Variants in PCDH10 observed in about 807,000 individuals in gnomAD.
PCDH10 encodes protocadherin 10.
Under a neutral mutation model 74.4 loss-of-function variants are expected in PCDH10, and 15 were observed. The observed-to-expected ratio is 0.20, with a 90% CI of 0.13 to 0.31. The LOEUF (loss-of-function observed/expected upper bound fraction) is 0.31, where lower values mean the gene tolerates loss of function less well. Among genes scored for constraint, PCDH10 ranks in the 10% least tolerant of loss-of-function variants. The pLI, the probability that PCDH10 is intolerant of heterozygous loss-of-function variation, is 1.00. For missense variants in PCDH10, 1,260 were observed against 1,390.2 expected, an observed-to-expected ratio of 0.91 and a Z score of 1.49; for synonymous variants, 619 against 589.8, an observed-to-expected ratio of 1.05 and a Z score of -0.72.
In PCDH10 at chr4:133,151,248, G is replaced by A. The variant is rs753926319; in HGVS notation, c.1108G>A (p.Gly370Ser). 6 of 1,614,024 alleles carry A rather than the reference G, an allele frequency of 3.7e-6. No individual in the cohort carries two copies. The South Asian group carries it at 4.4e-5, about 12-fold the overall frequency. Residue 370 changes from glycine to serine, a missense_variant, in exon 1 of 5, where the codon GGC (glycine) becomes AGC (serine). Gly to Ser is a moderately conservative substitution (Grantham distance 56, BLOSUM62 0). This residue lies in a region of PCDH10 where 112 missense variants were observed against 123.6 expected (regional missense o/e 0.91). Transcript: ENST00000264360. ...CACCGTGAAGGAAGCGGTGAGTGAGGGCGCGGCGCCCGGCACTGTGGTGGC... is the reference window on the plus strand; with the variant it reads ...CACCGTGAAGGAAGCGGTGAGTGAGAGCGCGGCGCCCGGCACTGTGGTGGC... ...FSTVKEAVSE[G>S]AAPGTVVALF...
chr4:133,156,845 T>G lies in PCDH10; in HGVS notation c.2797+1822T>G, dbSNP rs77468455. On this transcript the variant is annotated intron_variant, in intron 3 of 4. Transcript: ENST00000264360. ...ATAAACATCTGCAAAAGAGCCAAAT[T>G]TGGAAGATAGATGAGAACATATTCT... 4.0e-3 allele frequency among the ~76,000 whole-genome samples: 614 copies of G among 152,316 alleles called. 3 individuals carry two copies. Among genetic ancestry groups the G allele is most frequent in the African/African-American group, 0.014 (574 of 41,570 alleles).
intron 4 of PCDH10, among the ~76,000 whole-genome samples, chr4:133,179,836 A>G (rs544685691): frequency 9.1e-4 from 138 of 152,162 alleles, no homozygotes; most frequent in African/African-American, 2.9e-3. Context: ...GACTACATCA[A>G]TGAGTCAATA....
Position 133,163,297 on chromosome 4 carries a change from A to G in PCDH10, c.3103+15A>G, listed in dbSNP as rs1234334670. 3.8e-6 allele frequency: 6 copies of G among 1,586,508 alleles called. No individual in the cohort carries two copies. The highest frequency in any genetic ancestry group is 2.2e-5 in the East Asian group (1 of 44,514). On this transcript the variant is annotated intron_variant, in intron 4 of 4. Transcript: ENST00000264360. ...ACCATATTTGAGTAAGTATTACACA[A>G]AGGGCTCTGTTAAAGTGTTCCCTTT...
chr4:133,198,565 A>G (rs916391982), downstream of PCDH10, among the ~76,000 whole-genome samples: 1 of 152,190 alleles, frequency 6.6e-6, no homozygotes, highest in Admixed American at 6.5e-5. Flanking sequence ...ACAATGATGT[A>G]TGGCCTCACA....
rs541914807 is a variant in PCDH10 at position 133,167,472 on chromosome 4, T to A, written c.3103+4190T>A. On this transcript the variant is annotated intron_variant, in intron 4 of 4. Transcript: ENST00000264360. ...CCTCTGTATAGTGTTTTCTCTAGGA[T>A]TTGTGTTTTCCTCTAATGTCTTAAA... Among the ~76,000 whole-genome samples, 6 of 151,610 alleles carry A rather than the reference T, an allele frequency of 4.0e-5. No individual in the cohort carries two copies. In the South Asian group the frequency reaches 1.2e-3, roughly 31 times the overall value.
In PCDH10 at chr4:133,162,971, T is replaced by C. The variant is rs1200038053; in HGVS notation, c.2798-6T>C. The C allele has an allele frequency of 6.2e-7, 1 of 1,603,396 alleles. No individual in the cohort carries two copies. The highest frequency in any genetic ancestry group is 1.7e-5 in the Admixed American group (1 of 59,488). On this transcript the variant is annotated splice_polypyrimidine_tract_variant and splice_region_variant and intron_variant, in intron 3 of 4. Transcript: ENST00000264360. ...TACATCCGTAGTTTCTGTTTTCTGC[T>C]TACAGGTATGGATCTCTTCTCCAAT...
rs758809294 is a variant in PCDH10, at chr4:133,150,953, G to C, written c.813G>C (p.Gln271His). 1 of 1,613,940 alleles carries C rather than the reference G, an allele frequency of 6.2e-7. No individual in the cohort carries two copies. The highest frequency in any genetic ancestry group is 1.6e-4 in the Middle Eastern group (1 of 6,062). ...CTCCCCCAGGCACTCTCGTGATCCA[G>C]CTCAACGCCACCGACCCGGACGAGG... ...ENSPPGTLVI[Q>H]LNATDPDEGQ... Residue 271 changes from glutamine to histidine, a missense_variant, in exon 1 of 5, where the codon CAG (glutamine) becomes CAC (histidine). Physicochemically the swap from Gln to His is conservative, Grantham distance 24. Around this residue, in one of 11 missense-constraint regions of PCDH10, gnomAD observed 192 missense variants for 161.2 expected, o/e 1.19. Coordinates refer to ENST00000264360, the MANE Select transcript of PCDH10 (RefSeq NM_032961.3).
intron 4 of PCDH10, among the ~76,000 whole-genome samples, chr4:133,189,333 C>G (rs183834927): frequency 4.5e-4 from 68 of 152,126 alleles, no homozygotes; most frequent in African/African-American, 1.4e-3. Flanking sequence ...AACTTCTGCT[C>G]TCATTGTGCT....
At chr4:133,167,805 C>G (rs1219645435) in intron 4 of PCDH10, among the ~76,000 whole-genome samples, 1 of 151,068 alleles carries the variant, frequency 6.6e-6, no homozygotes, top group Non-Finnish European at 1.5e-5. Context: ...TAGAAATATA[C>G]TAGTCATTAT....
downstream of PCDH10, among the ~76,000 whole-genome samples, chr4:133,199,322 T>TAATAAC (rs1727856824): frequency 1.4e-5 from 2 of 145,176 alleles, no homozygotes; most frequent in African/African-American, 5.0e-5. Flanking sequence ...ATAATAATAA[T>TAATAAC]AATAATTAAT....
Position 133,151,526 on chromosome 4 carries a change from T to C in PCDH10, c.1386T>C (p.Arg462=), listed in dbSNP as rs1726693374. ...CGGATGTGAACGACAACGCGCCGCG[T>C]TTCAGCCAGCCGGTCTACGACGTGT... ...QVSDVNDNAP[R]FSQPVYDVYV... Residue 462 remains arginine, a synonymous_variant, in exon 1 of 5, where the codon CGT becomes CGC. Coordinates refer to ENST00000264360, the MANE Select transcript of PCDH10 (RefSeq NM_032961.3). 1 of 1,613,904 alleles carries C rather than the reference T, an allele frequency of 6.2e-7. No homozygotes were observed. The highest frequency in any genetic ancestry group is 1.3e-5 in the African/African-American group (1 of 74,902).
At chr4:133,189,383 ATAT>A (rs1368871558) in intron 4 of PCDH10, among the ~76,000 whole-genome samples, 1 of 152,140 alleles carries the variant, frequency 6.6e-6, no homozygotes, top group Non-Finnish European at 1.5e-5. Context: ...AAGGGAAGAA[ATAT>A]TATTTATCAT....
chr4:133,195,368 A>G (rs1727774875), downstream of PCDH10, among the ~76,000 whole-genome samples: 1 of 152,076 alleles, frequency 6.6e-6, no homozygotes, highest in African/African-American at 2.4e-5. Context: ...TAATAAACCA[A>G]TTCAGTGGAA....
At chr4:133,195,269 T>C (rs1229728335), downstream of PCDH10, among the ~76,000 whole-genome samples, 1 of 152,242 alleles carries the variant, frequency 6.6e-6, no homozygotes, top group East Asian at 1.9e-4. Flanking sequence ...GAGTGCAAAC[T>C]GCACGTATCT....
At position 133,151,300 on chromosome 4, in the gene PCDH10, C is replaced by T; in HGVS notation, c.1160C>T (p.Ser387Leu). The change falls in exon 1 of 5, where the codon TCA becomes TTA. Residue 387 changes from serine (S) to leucine (L), a missense_variant. By Grantham distance (145) the Ser-to-Leu change is moderately radical (BLOSUM62 -2). This residue lies in a region of PCDH10 where 112 missense variants were observed against 123.6 expected (regional missense o/e 0.91). Coordinates refer to ENST00000264360, the MANE Select transcript of PCDH10 (RefSeq NM_032961.3). ...CTTTTCAGCGTGACTGACCGCGACT[C>T]AGAGGAGAATGGGCAGGTGCAGTGC... is the stretch of plus-strand genomic sequence containing the variant. ...VALFSVTDRDSEENGQVQCEL... is the reference protein window; with the variant it reads ...VALFSVTDRDLEENGQVQCEL... The T allele has an allele frequency of 6.2e-7, 1 of 1,614,180 alleles. No individual in the cohort carries two copies. The highest frequency in any genetic ancestry group is 8.5e-7 in the Non-Finnish European group (1 of 1,180,030).
chr4:133,181,013 G>A (rs186044860), intron 4 of PCDH10, among the ~76,000 whole-genome samples: 3 of 151,814 alleles, frequency 2.0e-5, no homozygotes, highest in Admixed American at 2.0e-4. Context: ...AAGAAAAAGA[G>A]GTGGTTTAAT....
In PCDH10 at chr4:133,202,031, C is replaced by A. The variant is rs148744040; in HGVS notation, n.438-6045C>A. The stretch of plus-strand genomic sequence containing the variant: ...ATAATATTGGGCCTTAATTTTAGAC[C>A]CCCATTAGCTCCTTGAAGCCTTGGC... On this transcript the variant is annotated intron_variant and non_coding_transcript_variant, in intron 2 of 2. Coordinates refer to the PCDH10 transcript ENST00000511112. Among the ~76,000 whole-genome samples the A allele has an allele frequency of 4.6e-3, 693 of 151,934 alleles. 3 individuals carry two copies. The highest frequency in any genetic ancestry group is 0.02 in the Middle Eastern group (6 of 294).
chr4:133,205,495 C>A (rs892254755), intron 2 of PCDH10, among the ~76,000 whole-genome samples: 2 of 152,140 alleles, frequency 1.3e-5, no homozygotes, highest in Non-Finnish European at 2.9e-5. Flanking sequence ...TGGAACTTGA[C>A]GGTCCATTTT....
chr4:133,179,804 T>C (rs1457034190), intron 4 of PCDH10, among the ~76,000 whole-genome samples: 3 of 152,102 alleles, frequency 2.0e-5, no homozygotes, highest in Admixed American at 1.3e-4. Context: ...TGGAACAAAG[T>C]AGACGCTCAT....
Sources: gnomAD v4.1 joint callset for allele counts (sites outside exome capture counted in the v4.1 genomes callset) on GRCh38, gnomAD v4.1.1 for gene constraint, gnomAD v4.1.1 regional missense constraint, MANE v1.5 for transcripts, NCBI Gene and HGNC (gene_info 2026-07-23, HGNC 2026-07-21) for gene names.